The following PKNOX2 variants were observed in gnomAD, a reference collection of about 807,000 sequenced individuals.
PKNOX2 encodes the protein PBX/knotted 1 homeobox 2.
A neutral mutation model predicts 53.1 loss-of-function variants in PKNOX2; 14 were observed. The ratio of observed to expected loss-of-function variants is 0.26; its 90% CI spans 0.17 to 0.41. The LOEUF (loss-of-function observed/expected upper bound fraction) is 0.41. Among genes scored for constraint, PKNOX2 ranks in the 10% least tolerant of loss-of-function variants. The pLI is 1.00. For missense variants in PKNOX2, 496 were observed against 602.8 expected, an observed-to-expected ratio of 0.82 and a Z score of 1.85; for synonymous variants, 257 against 242.8, an observed-to-expected ratio of 1.06 and a Z score of -0.54.
At chr11:125,286,876 T>TTGTG in intron 2 of PKNOX2, among the ~76,000 whole-genome samples, 1 of 152,178 alleles carries the variant, frequency 6.6e-6, no homozygotes, top group Admixed American at 6.5e-5. Context: ...AAGAACAGCG[T>TTGTG]ATGTTGTGAG....
intron 4 of PKNOX2, among the ~76,000 whole-genome samples, chr11:125,358,141 G>T (rs79800130): frequency 6.6e-6 from 1 of 152,088 alleles, no homozygotes; most frequent in South Asian, 2.1e-4. Context: ...TTCTTCACTC[G>T]ATCACCTGCA....
intron 2 of PKNOX2, among the ~76,000 whole-genome samples, chr11:125,237,760 C>T (rs1199525454): frequency 3.9e-5 from 6 of 152,180 alleles, no homozygotes; most frequent in African/African-American, 1.4e-4. Context: ...GGGTCGATCT[C>T]AACAAGAGTG....
chr11:125,245,567 C>T (rs1943498469), intron 2 of PKNOX2, among the ~76,000 whole-genome samples: 1 of 152,216 alleles, frequency 6.6e-6, no homozygotes, highest in Non-Finnish European at 1.5e-5. Context: ...CTCTGACCAG[C>T]ATGCCCTGGC....
intron 1 of PKNOX2, among the ~76,000 whole-genome samples, chr11:125,227,049 T>G (rs560812261): frequency 6.6e-6 from 1 of 152,292 alleles, no homozygotes; most frequent in South Asian, 2.1e-4. Flanking sequence ...TTTTTTATTA[T>G]TCTTGATAGA....
chr11:125,297,115 C>G (rs888309995), intron 2 of PKNOX2, among the ~76,000 whole-genome samples: 4 of 152,192 alleles, frequency 2.6e-5, no homozygotes, highest in African/African-American at 9.7e-5. Context: ...CTAAGTTGTG[C>G]CGTAGCATCT....
intron 2 of PKNOX2, among the ~76,000 whole-genome samples, chr11:125,300,491 G>A (rs542500701): frequency 2.6e-5 from 4 of 152,290 alleles, no homozygotes; most frequent in Non-Finnish European, 5.9e-5. Flanking sequence ...TTTAAGCCCT[G>A]GCATTTTGGT....
chr11:125,184,666 C>A (rs1384325639), intron 1 of PKNOX2, among the ~76,000 whole-genome samples: 1 of 152,208 alleles, frequency 6.6e-6, no homozygotes, highest in Non-Finnish European at 1.5e-5. Flanking sequence ...CCTCTGGAAC[C>A]TGCCTGTGCT....
At chr11:125,430,283 C>T (rs1956635866) in intron 12 of PKNOX2, 142 bp downstream of exon 12, 1 of 1,026,842 alleles carries the variant, frequency 9.7e-7, no homozygotes, top group Non-Finnish European at 1.4e-6. Context: ...TATCCCTCCC[C>T]AAAGCCCTAA....
chr11:125,386,472 G>T (rs567409693), intron 6 of PKNOX2, among the ~76,000 whole-genome samples: 2 of 152,106 alleles, frequency 1.3e-5, no homozygotes, highest in African/African-American at 4.8e-5. Context: ...GCAGTAGAGA[G>T]GTTTCTCTGT....
intron 2 of PKNOX2, among the ~76,000 whole-genome samples, chr11:125,320,767 C>T (rs979619881): frequency 6.6e-5 from 10 of 152,216 alleles, no homozygotes; most frequent in Admixed American, 5.2e-4. Flanking sequence ...AATCCCCACA[C>T]TGCCCTTGCC....
intron 2 of PKNOX2, among the ~76,000 whole-genome samples, chr11:125,305,758 C>T (rs1948403780): frequency 6.6e-6 from 1 of 152,126 alleles, no homozygotes; most frequent in African/African-American, 2.4e-5. Flanking sequence ...GGCAAACCGA[C>T]TGAAGTGTGG....
rs1456130111 is a variant in PKNOX2 at position 125,432,407 on chromosome 11, CTTCA to C, written c.*1019_*1022del. The C allele has an allele frequency of 6.5e-6, 1 of 152,924 alleles. No homozygotes were observed. The highest frequency in any genetic ancestry group is 1.5e-5 in the Non-Finnish European group (1 of 68,072). 9.5% of individuals were successfully genotyped at this position (152,924 alleles called of 1,614,324 possible). A position where few individuals can be genotyped will look rare whatever the true frequency, so the allele number is the denominator to read the frequency against. ...GCTCCATCAGCCTCCAGCTTCCTTT[CTTCA>C]TTCTGTCCTTCAGGGAAGGCAGAAG... On this transcript the variant is annotated 3_prime_UTR_variant, in exon 13 of 13. Transcript: ENST00000298282.
At chr11:125,315,478 G>A in intron 2 of PKNOX2, among the ~76,000 whole-genome samples, 1 of 152,184 alleles carries the variant, frequency 6.6e-6, no homozygotes, top group Non-Finnish European at 1.5e-5. Flanking sequence ...AGTGCAGAGA[G>A]GCCTTCTCAC....
chr11:125,358,294 G>A (rs1366845179), intron 4 of PKNOX2, among the ~76,000 whole-genome samples: 1 of 152,226 alleles, frequency 6.6e-6, no homozygotes, highest in East Asian at 1.9e-4. Flanking sequence ...GGATTCTGGT[G>A]TGCCCTCTGA....
intron 2 of PKNOX2, among the ~76,000 whole-genome samples, chr11:125,272,139 G>A (rs1171849786): frequency 6.6e-6 from 1 of 152,240 alleles, no homozygotes; most frequent in Non-Finnish European, 1.5e-5. Context: ...GAGGCTTGGA[G>A]GGAAGTGTTT....
At chr11:125,404,369 TC>T (rs1414903555) in intron 7 of PKNOX2, among the ~76,000 whole-genome samples, 1 of 152,154 alleles carries the variant, frequency 6.6e-6, no homozygotes, top group Non-Finnish European at 1.5e-5. Flanking sequence ...CTGCTGCTTG[TC>T]CCCACAGGCC....
intron 2 of PKNOX2, among the ~76,000 whole-genome samples, chr11:125,235,967 T>G (rs1942641091): frequency 6.6e-6 from 1 of 152,216 alleles, no homozygotes; most frequent in African/African-American, 2.4e-5. Flanking sequence ...GCAGGCATAG[T>G]TTCCCCACGC....
chr11:125,285,986 A>G (rs1029289927), intron 2 of PKNOX2, among the ~76,000 whole-genome samples: 7 of 152,148 alleles, frequency 4.6e-5, no homozygotes, highest in African/African-American at 1.7e-4. Flanking sequence ...TGGTGGGAAT[A>G]TTATTCCAGA....
chr11:125,294,308 C>G (rs538785614), intron 2 of PKNOX2, among the ~76,000 whole-genome samples: 5 of 152,158 alleles, frequency 3.3e-5, no homozygotes, highest in African/African-American at 7.2e-5. Flanking sequence ...GTAAGCCCCC[C>G]CATCTTATGG....
Sources: gnomAD v4.1 joint callset for allele counts (sites outside exome capture counted in the v4.1 genomes callset) on GRCh38, gnomAD v4.1.1 for gene constraint, MANE v1.5 for transcripts, NCBI Gene and HGNC (gene_info 2026-07-23, HGNC 2026-07-21) for gene names.